Variants in RNF212 observed in about 807,000 individuals in gnomAD.
The protein encoded by RNF212 is ring finger protein 212, also known as probable E3 SUMO-protein ligase RNF212.
RNF212 carries 33 observed loss-of-function variants against 34.7 expected under a neutral mutation model. The observed-to-expected ratio is 0.95, with a 90% CI of 0.72 to 1.27. The LOEUF (loss-of-function observed/expected upper bound fraction) is 1.27. Among genes scored for constraint, RNF212 ranks in the 50% most tolerant of loss-of-function variants. RNF212 has a pLI of 0.00. For synonymous variants in RNF212, 140 were observed against 136.1 expected, an observed-to-expected ratio of 1.03 and a Z score of -0.20; for missense variants, 377 against 362.2, an observed-to-expected ratio of 1.04 and a Z score of -0.33.
chr4:1,073,927 G>C (rs2153037114), intron 8 of RNF212, among the ~76,000 whole-genome samples: 1 of 152,090 alleles, frequency 6.6e-6, no homozygotes, highest in South Asian at 2.1e-4. Context: ...AACGGATAAA[G>C]GGCTCTACTA....
Position 1,072,632 on chromosome 4 carries a change from TA to T in RNF212, c.*241del. On this transcript the variant is annotated 3_prime_UTR_variant, in exon 10 of 10. Transcript: ENST00000433731. ...TTAAGTATGTGAAAAAAAAACTCCCTAAGCATGAGAACCTATAAAATAAAAG... is the reference window on the plus strand; with the variant it reads ...TTAAGTATGTGAAAAAAAAACTCCCTAGCATGAGAACCTATAAAATAAAAG... 9.3e-7 allele frequency: 1 copy of T among 1,080,154 alleles called. No individual in the cohort carries two copies. Among genetic ancestry groups the T allele is most frequent in the Non-Finnish European group, 1.2e-6 (1 of 865,390 alleles). 66.9% of individuals were successfully genotyped at this position (1,080,154 alleles called of 1,614,324 possible).
At chr4:1,073,890 T>C in intron 8 of RNF212, 1 of 550,812 alleles carries the variant, frequency 1.8e-6, no homozygotes. Context: ...TTTGATTCCC[T>C]CTGTTCCACC....
chr4:1,073,070 C>A lies in RNF212; in HGVS notation c.698G>T (p.Trp233Leu). Reference sequence around the variant, plus strand: ...AGAACTGAACGCTAGGAGGAGCAGCCAGTGAGGACAGACGTCTATGCAGAA... The same window carrying A: ...AGAACTGAACGCTAGGAGGAGCAGCAAGTGAGGACAGACGTCTATGCAGAA... The part of the protein sequence containing the change: ...PCFCIDVCPH[W>L]LLLLAFSSGR... The change falls in exon 10 of 10, where the codon TGG becomes TTG. Residue 233 changes from tryptophan to leucine, a missense_variant. Physicochemically the swap from Trp to Leu is moderately conservative, Grantham distance 61 (BLOSUM62 -2). Coordinates refer to ENST00000433731, the MANE Select transcript of RNF212 (RefSeq NM_001131034.4). The A allele has an allele frequency of 6.2e-7, 1 of 1,614,106 alleles. No homozygotes were observed.
chr4:1,081,257 C>G (rs998973057), intron 7 of RNF212, among the ~76,000 whole-genome samples, 162 bp downstream of exon 7: 1 of 150,790 alleles, frequency 6.6e-6, no homozygotes, highest in Non-Finnish European at 1.5e-5. Context: ...ACCTGAGCCT[C>G]GCAGGGAGAT....
chr4:1,110,067 A>G (rs930543585), intron 1 of RNF212, among the ~76,000 whole-genome samples: 5 of 152,230 alleles, frequency 3.3e-5, no homozygotes, highest in Non-Finnish European at 5.9e-5. Flanking sequence ...GGAGTCATGC[A>G]GTAAAAGATT....
chr4:1,077,158 G>A (rs1283267956), intron 8 of RNF212, among the ~76,000 whole-genome samples: 1 of 152,136 alleles, frequency 6.6e-6, no homozygotes, highest in Non-Finnish European at 1.5e-5. Flanking sequence ...AACCCGGGAG[G>A]CGGAGGTTGC....
intron 2 of RNF212, chr4:1,100,108 G>C (rs1244798660): frequency 2.9e-6 from 1 of 344,228 alleles, no homozygotes; most frequent in East Asian, 7.7e-5. Flanking sequence ...CCTTGCTAGA[G>C]TCTCGGCTGT....
intron 3 of RNF212, among the ~76,000 whole-genome samples, chr4:1,092,609 A>T (rs1237020573): frequency 1.3e-5 from 2 of 152,214 alleles, no homozygotes; most frequent in East Asian, 3.8e-4. Context: ...TTTAAAAGGG[A>T]CAGTGAGTGT....
chr4:1,078,860 A>G (rs1342183758), intron 8 of RNF212, among the ~76,000 whole-genome samples: 3 of 151,290 alleles, frequency 2.0e-5, no homozygotes, highest in African/African-American at 7.3e-5. Context: ...CCAACATAGG[A>G]CCAACACAGG....
At chr4:1,112,547 G>A (rs1353441010) in intron 1 of RNF212, among the ~76,000 whole-genome samples, 19 of 151,882 alleles carry the variant, frequency 1.3e-4, no homozygotes, top group Admixed American at 1.2e-3. Flanking sequence ...AGGGCCCCGC[G>A]CTGCCCATGG....
At chr4:1,095,009 C>CAA (rs1209553740) in intron 3 of RNF212, among the ~76,000 whole-genome samples, 1 of 152,198 alleles carries the variant, frequency 6.6e-6, no homozygotes, top group South Asian at 2.1e-4. Context: ...ATTTGCTGAT[C>CAA]AAATATCTTC....
At chr4:1,105,762 G>A (rs1465277858) in intron 2 of RNF212, among the ~76,000 whole-genome samples, 1 of 152,256 alleles carries the variant, frequency 6.6e-6, no homozygotes, top group Non-Finnish European at 1.5e-5. Context: ...CGCAGGTCAG[G>A]GTCAAAGAAG....
chr4:1,111,749 C>T (rs530345389), intron 1 of RNF212, among the ~76,000 whole-genome samples: 2 of 152,244 alleles, frequency 1.3e-5, no homozygotes, highest in African/African-American at 2.4e-5. Context: ...ACACACCCAA[C>T]AGAAATGTGT....
Position 1,113,454 on chromosome 4 carries a change from C to T in RNF212, c.11G>A (p.Trp4Ter), listed in dbSNP as rs773747595. MAN[W>*]VFCNRCFQPP... is the part of the protein sequence containing the mutation. ...CTGGAAGCAGCGATTACAGAACACC[C>T]AGTTGGCCATGCCAGGCGGGCGACC... Residue 4 changes from tryptophan (W) to a stop codon, truncating the protein, a stop_gained, in exon 1 of 10, where the codon TGG (tryptophan) becomes TAG (stop). Coordinates refer to ENST00000433731, the MANE Select transcript of RNF212 (RefSeq NM_001131034.4). LOFTEE classifies it high-confidence loss of function. The T allele has an allele frequency of 1.2e-6, 2 of 1,607,066 alleles. No homozygotes were observed. The highest frequency in any genetic ancestry group is 1.7e-6 in the Non-Finnish European group (2 of 1,177,790).
chr4:1,081,666 T>G (rs761152544), intron 5 of RNF212, 47 bp from the exon 6 acceptor site: 5 of 1,360,870 alleles, frequency 3.7e-6, no homozygotes, highest in Non-Finnish European at 5.2e-6. Context: ...AAAAACTGAC[T>G]TCCCCCCAGG....
At chr4:1,067,094 T>C (rs190746043), downstream of RNF212, among the ~76,000 whole-genome samples, 2 of 152,332 alleles carry the variant, frequency 1.3e-5, no homozygotes, top group African/African-American at 4.8e-5. Context: ...GAATAGTGTG[T>C]TTTGTTTTGA....
chr4:1,069,240 T>C (rs1718287156), downstream of RNF212, among the ~76,000 whole-genome samples: 1 of 151,956 alleles, frequency 6.6e-6, no homozygotes, highest in Non-Finnish European at 1.5e-5. Context: ...TGAATCCATA[T>C]TGTTATAAAT....
rs542012265 is a variant in RNF212 at position 1,074,528 on chromosome 4, T to C, written c.511-866A>G. Among the ~76,000 whole-genome samples the C allele has an allele frequency of 7.9e-5, 12 of 152,268 alleles. No homozygotes were observed. The East Asian group carries it at 2.3e-3, about 29-fold the overall frequency. On this transcript the variant is annotated intron_variant, in intron 8 of 9. Coordinates refer to ENST00000433731, the MANE Select transcript of RNF212 (RefSeq NM_001131034.4). ...AGCCCCTCTGTGTCCTCATGGTCTC[T>C]CTACCAGCACAGGAGTGCCCTGCTC...
At chr4:1,065,986 G>A (rs1002029110) in intron 3 of RNF212, among the ~76,000 whole-genome samples, 2 of 144,782 alleles carry the variant, frequency 1.4e-5, no homozygotes, top group African/African-American at 4.9e-5. Flanking sequence ...AAGCAATCCT[G>A]CCTCTGTGTT....
Sources: gnomAD v4.1 joint callset for allele counts (sites outside exome capture counted in the v4.1 genomes callset) on GRCh38, gnomAD v4.1.1 for gene constraint, MANE v1.5 for transcripts, NCBI Gene and HGNC (gene_info 2026-07-23, HGNC 2026-07-21) for gene names.